The following CDH18 variants were observed in gnomAD, a reference collection of about 807,000 sequenced individuals.
CDH18 encodes cadherin 18.
A neutral mutation model predicts 67.9 loss-of-function variants in CDH18; 31 were observed. The observed-to-expected ratio is 0.46, with a 90% CI of 0.34 to 0.62. CDH18 has a LOEUF of 0.62. Ranked by LOEUF, CDH18 falls within the 20% of genes least tolerant of loss-of-function variation. CDH18 has a pLI of 0.01. For synonymous variants in CDH18, 362 were observed against 347.2 expected (o/e 1.04, Z -0.48); for missense variants, 890 against 975.5 (o/e 0.91, Z 1.17).
intron 2 of CDH18, among the ~76,000 whole-genome samples, chr5:20,168,236 A>G (rs1178129276): frequency 6.6e-6 from 1 of 152,154 alleles, no homozygotes; most frequent in Admixed American, 6.6e-5. Context: ...CTAAAATTAG[A>G]AATTAATGAT....
intron 1 of CDH18, among the ~76,000 whole-genome samples, chr5:20,385,828 A>G (rs1434679902): frequency 6.6e-6 from 1 of 152,220 alleles, no homozygotes; most frequent in East Asian, 1.9e-4. Flanking sequence ...TTGTAACTAT[A>G]TGAATATCCC....
chr5:19,804,392 AG>A (rs1777827127), intron 3 of CDH18, among the ~76,000 whole-genome samples: 2 of 152,126 alleles, frequency 1.3e-5, no homozygotes, highest in Non-Finnish European at 1.5e-5. Context: ...TCCCATACCT[AG>A]GTAATCCTTT....
chr5:19,517,854 A>G (rs1746277932), intron 10 of CDH18, among the ~76,000 whole-genome samples: 1 of 151,678 alleles, frequency 6.6e-6, no homozygotes, highest in Admixed American at 6.6e-5. Context: ...TTTTCTTTCC[A>G]TGCTTCAACA....
chr5:19,479,370 T>C (rs1739013215), intron 12 of CDH18, among the ~76,000 whole-genome samples: 2 of 152,206 alleles, frequency 1.3e-5, no homozygotes, highest in Admixed American at 6.5e-5. Flanking sequence ...CATTTGGTTT[T>C]GTCGATATTT....
intron 1 of CDH18, among the ~76,000 whole-genome samples, chr5:20,480,171 G>C (rs1752693584): frequency 6.6e-6 from 1 of 152,080 alleles, no homozygotes; most frequent in South Asian, 2.1e-4. Context: ...TAATATTTAT[G>C]AGCAATAAGA....
chr5:19,665,031 G>A (rs1757718562), intron 5 of CDH18, among the ~76,000 whole-genome samples: 1 of 151,894 alleles, frequency 6.6e-6, no homozygotes, highest in South Asian at 2.1e-4. Flanking sequence ...GTAATAATTG[G>A]TAGATTTTTC....
At chr5:20,081,564 T>C (rs778112042) in intron 2 of CDH18, among the ~76,000 whole-genome samples, 5 of 152,108 alleles carry the variant, frequency 3.3e-5, no homozygotes, top group Non-Finnish European at 5.9e-5. Context: ...CCCTTAACAG[T>C]AGACTGAATA....
At chr5:20,264,252 A>G (rs924732205) in intron 1 of CDH18, among the ~76,000 whole-genome samples, 2 of 152,112 alleles carry the variant, frequency 1.3e-5, no homozygotes, top group Non-Finnish European at 2.9e-5. Flanking sequence ...CAGTGAAGAT[A>G]CTGATGTTCT....
At chr5:20,227,055 TC>T in intron 2 of CDH18, among the ~76,000 whole-genome samples, 1 of 152,208 alleles carries the variant, frequency 6.6e-6, no homozygotes, top group South Asian at 2.1e-4. Context: ...CATTTTCACC[TC>T]TTTTTTTGCC....
intron 11 of CDH18, among the ~76,000 whole-genome samples, chr5:19,489,433 G>A (rs1001802556): frequency 6.6e-6 from 1 of 151,880 alleles, no homozygotes. Context: ...ATTTTTAGTA[G>A]AGACAGGGTT....
chr5:20,414,861 A>T (rs1747152027), intron 1 of CDH18, among the ~76,000 whole-genome samples: 1 of 152,216 alleles, frequency 6.6e-6, no homozygotes, highest in African/African-American at 2.4e-5. Flanking sequence ...GGTCTAGAGA[A>T]ATTGGAACCC....
intron 2 of CDH18, among the ~76,000 whole-genome samples, chr5:20,245,607 T>C (rs1743315960): frequency 1.3e-5 from 2 of 152,090 alleles, no homozygotes; most frequent in African/African-American, 2.4e-5. Context: ...TAAATTGCAG[T>C]GCCTGGCACA....
chr5:19,709,004 T>TATCAAAAAATAAATAAATAAATAAA (rs70950088), intron 5 of CDH18, among the ~76,000 whole-genome samples: 1 of 149,072 alleles, frequency 6.7e-6, no homozygotes, highest in African/African-American at 2.5e-5. Context: ...CTAGACTCTG[T>TATCAAAAAATAAATAAATAAATAAA]TAAATAAATA....
chr5:19,900,897 A>T (rs1239404011), intron 2 of CDH18, among the ~76,000 whole-genome samples: 3 of 152,156 alleles, frequency 2.0e-5, no homozygotes, highest in Non-Finnish European at 2.9e-5. Flanking sequence ...ATATCAGTAA[A>T]GACGAGCCTT....
intron 1 of CDH18, among the ~76,000 whole-genome samples, chr5:20,520,460 C>T (rs1443258705): frequency 2.6e-5 from 4 of 151,968 alleles, no homozygotes; most frequent in African/African-American, 9.7e-5. Context: ...TTGTACCACA[C>T]ACTTAAGCTC....
intron 9 of CDH18, among the ~76,000 whole-genome samples, chr5:19,527,198 A>C (rs1445844624): frequency 6.6e-6 from 1 of 151,922 alleles, no homozygotes; most frequent in Non-Finnish European, 1.5e-5. Context: ...AAATGAAAAC[A>C]AACTATCCAC....
intron 1 of CDH18, among the ~76,000 whole-genome samples, chr5:20,290,003 T>C (rs1746988964): frequency 6.6e-6 from 1 of 152,074 alleles, no homozygotes; most frequent in South Asian, 2.1e-4. Flanking sequence ...ATTTGAAAAA[T>C]GGTAGAAGTA....
intron 1 of CDH18, among the ~76,000 whole-genome samples, chr5:19,986,551 G>A (rs1187984137): frequency 3.9e-5 from 6 of 152,172 alleles, no homozygotes; most frequent in Non-Finnish European, 8.8e-5. Context: ...CAGAAGTATA[G>A]TTCATAAAAT....
intron 4 of CDH18, among the ~76,000 whole-genome samples, chr5:19,727,951 T>G (rs1767068699): frequency 6.6e-6 from 1 of 152,164 alleles, no homozygotes; most frequent in Non-Finnish European, 1.5e-5. Flanking sequence ...AAAGTTCAAG[T>G]GAAACGGATT....
Sources: gnomAD v4.1 joint callset for allele counts (sites outside exome capture counted in the v4.1 genomes callset) on GRCh38, gnomAD v4.1.1 for gene constraint, MANE v1.5 for transcripts, NCBI Gene and HGNC (gene_info 2026-07-23, HGNC 2026-07-21) for gene names.